Variants in PCDH19 observed in about 807,000 individuals in gnomAD.
PCDH19 encodes the protein protocadherin-19.
In PCDH19, 6 loss-of-function variants were observed where a neutral mutation model predicts 46.2. The ratio of observed to expected loss-of-function variants is 0.13; its 90% CI spans 0.07 to 0.26. The LOEUF is 0.26. Ranked by LOEUF, PCDH19 falls within the 10% of genes least tolerant of loss-of-function variation. The pLI, the probability that PCDH19 is intolerant of heterozygous loss-of-function variation, is 1.00. For synonymous variants in PCDH19, 481 were observed against 415.7 expected (o/e 1.16, Z -1.91); for missense variants, 740 against 972.3 (o/e 0.76, Z 3.18).
rs746146176 is a variant in PCDH19 at position 100,394,911 on chromosome X, G to A, written c.2616+7613C>T. On this transcript the variant is annotated intron_variant, in intron 3 of 5. Coordinates refer to ENST00000373034, the MANE Select transcript of PCDH19 (RefSeq NM_001184880.2). Reference sequence around the variant, plus strand: ...TTTTTTTTTTTTTTTTTTTTGAGACGGAGTCTCGCTCTGTCGCCCAGGCTG... The same window carrying A: ...TTTTTTTTTTTTTTTTTTTTGAGACAGAGTCTCGCTCTGTCGCCCAGGCTG... 5.1e-3 allele frequency among the ~76,000 whole-genome samples: 460 copies of A among 90,951 alleles called. 1 individual carries two copies. Among genetic ancestry groups the A allele is most frequent in the African/African-American group, 0.019 (416 of 21,675 alleles). 79.0% of individuals were successfully genotyped at this position (90,951 alleles called of 115,157 possible). A position where few individuals can be genotyped will look rare whatever the true frequency, so the allele number is the denominator to read the frequency against.
rs1235604597 is a variant in PCDH19, at chrX:100,337,076, C to T, written c.2848+4827G>A. On this transcript the variant is annotated intron_variant, in intron 5 of 5. Coordinates refer to ENST00000373034, the MANE Select transcript of PCDH19 (RefSeq NM_001184880.2). ...TGATACCCCTAATCACGCAACAAAC[C>T]CATGAGCCTCTGGCACCTCTCACTA... 2.7e-5 allele frequency among the ~76,000 whole-genome samples: 3 copies of T among 111,304 alleles called. No individual in the cohort carries two copies. In the Admixed American group the frequency reaches 2.9e-4, roughly 11 times the overall value.
intron 5 of PCDH19, among the ~76,000 whole-genome samples, chrX:100,322,759 A>G (rs948141669): frequency 9.9e-6 from 1 of 100,994 alleles, no homozygotes; most frequent in Non-Finnish European, 2.0e-5. Flanking sequence ...GTTTGCGTCT[A>G]TGATATCTTT....
chrX:100,379,480 A>G, intron 3 of PCDH19, among the ~76,000 whole-genome samples: 1 of 112,398 alleles, frequency 8.9e-6, no homozygotes, highest in Non-Finnish European at 1.9e-5. Flanking sequence ...GCCAGGATGT[A>G]TCCCTGCCTT....
At chrX:100,333,184 A>G (rs368326123) in intron 5 of PCDH19, among the ~76,000 whole-genome samples, 11 of 34,849 alleles carry the variant, frequency 3.2e-4, no homozygotes, top group African/African-American at 1.1e-3. Flanking sequence ...GGAGAGAGAG[A>G]GAAAGAAAGA....
intron 1 of PCDH19, among the ~76,000 whole-genome samples, chrX:100,405,753 C>T (rs12835197): frequency 0.17 from 18,466 of 111,181 alleles, 1,383 homozygotes; most frequent in East Asian, 0.33. Flanking sequence ...GATGCAAAGT[C>T]TTGTTCCTCA....
intron 3 of PCDH19, among the ~76,000 whole-genome samples, chrX:100,355,223 C>T (rs781698890): frequency 6.3e-5 from 7 of 111,616 alleles, no homozygotes; most frequent in Non-Finnish European, 1.1e-4. Flanking sequence ...AAATCCTAAC[C>T]ATCTGCCTTG....
At chrX:100,386,114 T>C (rs1414251881) in intron 3 of PCDH19, among the ~76,000 whole-genome samples, 1 of 111,729 alleles carries the variant, frequency 9.0e-6, no homozygotes, top group African/African-American at 3.3e-5. Context: ...TGTGTATCTA[T>C]ATCTCCCTAC....
intron 3 of PCDH19, among the ~76,000 whole-genome samples, chrX:100,379,518 G>A (rs943609564): frequency 8.9e-6 from 1 of 112,325 alleles, no homozygotes; most frequent in Admixed American, 9.4e-5. Context: ...AAGAGATAAA[G>A]ACAATGAAAT....
intron 3 of PCDH19, among the ~76,000 whole-genome samples, chrX:100,389,180 C>T (rs763736399): frequency 6.7e-4 from 75 of 111,389 alleles, no homozygotes; most frequent in Non-Finnish European, 1.2e-3. Context: ...ATGCTTCATA[C>T]TTCCTTATTT....
chrX:100,331,520 T>A (rs758497239), intron 5 of PCDH19, among the ~76,000 whole-genome samples: 1 of 111,655 alleles, frequency 9.0e-6, no homozygotes, highest in South Asian at 3.8e-4. Context: ...GCTCAAACCT[T>A]TTCTAATTTG....
chrX:100,369,333 C>T (rs765833836), intron 3 of PCDH19, among the ~76,000 whole-genome samples: 2 of 111,266 alleles, frequency 1.8e-5, no homozygotes, highest in South Asian at 7.7e-4. Flanking sequence ...TCTAGGAACC[C>T]CACCTCTGTC....
At chrX:100,330,938 C>A (rs763690662) in intron 5 of PCDH19, among the ~76,000 whole-genome samples, 4 of 112,107 alleles carry the variant, frequency 3.6e-5, no homozygotes, top group Middle Eastern at 4.6e-3. Context: ...TGACCAGAGA[C>A]CCTCAAAAGA....
In PCDH19 at chrX:100,308,537, G is replaced by A. The variant is rs182590301; in HGVS notation, c.2849-11662C>T. 2.7e-5 allele frequency among the ~76,000 whole-genome samples: 3 copies of A among 111,197 alleles called. No individual in the cohort carries two copies. In the Admixed American group the frequency reaches 2.9e-4, roughly 11 times the overall value. On this transcript the variant is annotated intron_variant, in intron 5 of 5. Transcript: ENST00000373034. ...AGCAAAAACAAACATAAATAGATGG[G>A]ACTTAATTAAAGCTTCTGCACAGCA...
chrX:100,353,219 T>A (rs1322449646), intron 3 of PCDH19, among the ~76,000 whole-genome samples: 1 of 111,840 alleles, frequency 8.9e-6, no homozygotes, highest in African/African-American at 3.3e-5. Context: ...AACTAAATCA[T>A]TTTTTCAAGA....
intron 3 of PCDH19, among the ~76,000 whole-genome samples, chrX:100,393,537 A>ACAC (rs1927929746): frequency 3.0e-4 from 17 of 57,533 alleles, no homozygotes; most frequent in African/African-American, 7.1e-4. Flanking sequence ...CACACACACA[A>ACAC]ACTCCCCTAA....
At position 100,345,449 on chromosome X, in the gene PCDH19, C is replaced by T. The variant is rs1375469591; in HGVS notation, c.2676-3374G>A. On this transcript the variant is annotated intron_variant, in intron 4 of 5. Coordinates refer to ENST00000373034, the MANE Select transcript of PCDH19 (RefSeq NM_001184880.2). ...AATTAAAACTATATCACTTGGTGTA[C>T]TTACTGCTTTGTCTTCACTTCTCAA... Among the ~76,000 whole-genome samples, 4 of 111,470 alleles carry T rather than the reference C, an allele frequency of 3.6e-5. No homozygotes were observed. In the East Asian group the frequency reaches 1.1e-3, roughly 31 times the overall value.
intron 1 of PCDH19, among the ~76,000 whole-genome samples, chrX:100,404,268 T>C (rs763867067): frequency 8.9e-6 from 1 of 111,852 alleles, no homozygotes; most frequent in South Asian, 3.8e-4. Flanking sequence ...TGAGTTCCCC[T>C]CACCCCTTCG....
chrX:100,397,295 A>G (rs1375067038), intron 3 of PCDH19, among the ~76,000 whole-genome samples: 3 of 111,985 alleles, frequency 2.7e-5, no homozygotes, highest in Non-Finnish European at 5.6e-5. Flanking sequence ...TTTTTGTAGG[A>G]TAATTGGAAG....
chrX:100,363,756 A>T (rs1286388884), intron 3 of PCDH19, among the ~76,000 whole-genome samples: 7 of 100,286 alleles, frequency 7.0e-5, no homozygotes, highest in Non-Finnish European at 1.2e-4. Context: ...TATATATATA[A>T]AATAAATATA....
Sources: gnomAD v4.1 joint callset for allele counts (sites outside exome capture counted in the v4.1 genomes callset) on GRCh38, gnomAD v4.1.1 for gene constraint, MANE v1.5 for transcripts, NCBI Gene and HGNC (gene_info 2026-07-23, HGNC 2026-07-21) for gene names.